RAMP3: variants seen among roughly 807,000 people sequenced by gnomAD.
RAMP3 encodes receptor activity-modifying protein 3.
RAMP3 carries 14 observed loss-of-function variants against 13.5 expected under a neutral mutation model. The ratio of observed to expected loss-of-function variants is 1.04; its 90% CI spans 0.69 to 1.63. The LOEUF is 1.63. Among genes scored for constraint, RAMP3 ranks in the 40% most tolerant of loss-of-function variants. The pLI, the probability that RAMP3 is intolerant of heterozygous loss-of-function variation, is 0.00. For synonymous variants in RAMP3, 106 were observed against 88.3 expected, an observed-to-expected ratio of 1.20 and a Z score of -1.12; for missense variants, 200 against 204.8, an observed-to-expected ratio of 0.98 and a Z score of 0.14.
At position 45,183,450 on chromosome 7, in the gene RAMP3, C is replaced by T. The variant is rs1464737757; in HGVS notation, c.*38C>T. ...GATGGAGTGGGTCACACCTGGCAAG[C>T]TGGAAGAAAGTTCCCTGGGGATGGG... On this transcript the variant is annotated 3_prime_UTR_variant, in exon 3 of 3. Coordinates refer to ENST00000242249, the MANE Select transcript of RAMP3 (RefSeq NM_005856.3). 5.6e-6 allele frequency: 9 copies of T among 1,600,648 alleles called. No homozygotes were observed. In the Admixed American group the frequency reaches 1.3e-4, roughly 24 times the overall value.
At chr7:45,180,060 G>A (rs549591889) in intron 2 of RAMP3, among the ~76,000 whole-genome samples, 1 of 152,364 alleles carries the variant, frequency 6.6e-6, no homozygotes, top group Admixed American at 6.5e-5. Context: ...CGAAAATACT[G>A]TCAGACGTGT....
chr7:45,160,115 G>A (rs922814816), intron 1 of RAMP3, among the ~76,000 whole-genome samples: 2 of 151,832 alleles, frequency 1.3e-5, no homozygotes, highest in African/African-American at 2.4e-5. Flanking sequence ...GGCAGATCTC[G>A]AGGTCAGGAG....
intron 1 of RAMP3, among the ~76,000 whole-genome samples, chr7:45,166,022 T>G (rs1259734399): frequency 1.3e-5 from 2 of 152,236 alleles, no homozygotes; most frequent in Non-Finnish European, 2.9e-5. Context: ...ATGTGCGGTA[T>G]AAATTTAGGA....
intron 2 of RAMP3, among the ~76,000 whole-genome samples, chr7:45,180,176 G>A (rs1435134587): frequency 1.3e-5 from 2 of 152,244 alleles, no homozygotes; most frequent in Non-Finnish European, 2.9e-5. Context: ...TTTGGGGAGC[G>A]GAGCCAAGGC....
At chr7:45,182,921 C>T (rs1786345717) in intron 2 of RAMP3, among the ~76,000 whole-genome samples, 1 of 152,146 alleles carries the variant, frequency 6.6e-6, no homozygotes, top group Admixed American at 6.5e-5. Context: ...AGCTCATGGC[C>T]TCAAAGGCAG....
chr7:45,158,009 G>A, intron 1 of RAMP3, 123 bp downstream of exon 1: 1 of 964,894 alleles, frequency 1.0e-6, no homozygotes, highest in South Asian at 2.9e-5. Context: ...CTCGGGAGGG[G>A]CGCACAGTGA....
At chr7:45,168,311 C>T (rs1186855286) in intron 1 of RAMP3, among the ~76,000 whole-genome samples, 1 of 142,236 alleles carries the variant, frequency 7.0e-6, no homozygotes, top group Non-Finnish European at 1.5e-5. Flanking sequence ...CTGAGTGAGG[C>T]ATGAGAATCC....
intron 1 of RAMP3, among the ~76,000 whole-genome samples, chr7:45,166,958 C>CTTTTTTT (rs202162694): frequency 1.1e-4 from 11 of 101,262 alleles, no homozygotes; most frequent in Non-Finnish European, 1.5e-4. Flanking sequence ...GTCTTTGATG[C>CTTTTTTT]TTTTTTTTTT....
intron 2 of RAMP3, among the ~76,000 whole-genome samples, chr7:45,181,063 G>C (rs140252904): frequency 6.6e-6 from 1 of 152,234 alleles, no homozygotes; most frequent in Non-Finnish European, 1.5e-5. Flanking sequence ...TCTGTGCCAG[G>C]CACTTGCTGG....
Position 45,177,302 on chromosome 7 carries a change from T to C in RAMP3, c.59-7T>C. Reference sequence around the variant, plus strand: ...TAGTGGAATTCTTATGGCTGTCCCCTCTCCAGGTGGGTGTCCCAGAGCAGG... The same window carrying C: ...TAGTGGAATTCTTATGGCTGTCCCCCCTCCAGGTGGGTGTCCCAGAGCAGG... On this transcript the variant is annotated splice_region_variant and splice_polypyrimidine_tract_variant and intron_variant, in intron 1 of 2. Coordinates refer to ENST00000242249, the MANE Select transcript of RAMP3 (RefSeq NM_005856.3). 1 of 1,613,968 alleles carries C rather than the reference T, an allele frequency of 6.2e-7. No individual in the cohort carries two copies. The highest frequency in any genetic ancestry group is 2.2e-5 in the East Asian group (1 of 44,874).
rs571186717 is a variant in RAMP3 at position 45,164,319 on chromosome 7, C to T, written c.58+6433C>T. Among the ~76,000 whole-genome samples the T allele has an allele frequency of 7.2e-5, 11 of 152,086 alleles. 1 individual carries two copies. Among genetic ancestry groups the T allele is most frequent in the South Asian group, 4.1e-4 (2 of 4,824 alleles). Reference sequence around the variant, plus strand: ...ATTCCAGCACTTTGGGAGGCCAAGGCGAGAGGATCACTGGAGCCTAGCCTG... The same window carrying T: ...ATTCCAGCACTTTGGGAGGCCAAGGTGAGAGGATCACTGGAGCCTAGCCTG... On this transcript the variant is annotated intron_variant, in intron 1 of 2. Transcript: ENST00000242249.
intron 2 of RAMP3, among the ~76,000 whole-genome samples, chr7:45,179,186 A>C (rs564608800): frequency 6.6e-6 from 1 of 152,306 alleles, no homozygotes; most frequent in South Asian, 2.1e-4. Context: ...ATCTTTTGCC[A>C]CTGGGTCCAG....
At chr7:45,170,444 T>A (rs2128656758) in intron 1 of RAMP3, among the ~76,000 whole-genome samples, 1 of 152,076 alleles carries the variant, frequency 6.6e-6, no homozygotes, top group East Asian at 1.9e-4. Flanking sequence ...TTCAAGCGAT[T>A]CTCCTGCCTC....
chr7:45,181,030 G>A (rs914273148), intron 2 of RAMP3, among the ~76,000 whole-genome samples: 1 of 152,236 alleles, frequency 6.6e-6, no homozygotes, highest in Non-Finnish European at 1.5e-5. Context: ...TAACAGCTGG[G>A]GTGGGCTCAC....
chr7:45,176,941 C>T (rs1432793831), intron 1 of RAMP3, among the ~76,000 whole-genome samples: 2 of 152,184 alleles, frequency 1.3e-5, no homozygotes, highest in Admixed American at 6.5e-5. Flanking sequence ...TGTTCCCAGG[C>T]CCCTGGGACT....
intron 1 of RAMP3, among the ~76,000 whole-genome samples, chr7:45,173,638 G>T (rs945272891): frequency 2.0e-5 from 3 of 151,392 alleles, no homozygotes; most frequent in Non-Finnish European, 2.9e-5. Flanking sequence ...AGCCCTGATG[G>T]GCTTTGGGAA....
Position 45,183,354 on chromosome 7 carries a change from C to T in RAMP3, c.389C>T (p.Thr130Ile). 1 of 1,613,912 alleles carries T rather than the reference C, an allele frequency of 6.2e-7. No homozygotes were observed. The highest frequency in any genetic ancestry group is 8.5e-7 in the Non-Finnish European group (1 of 1,180,050). The stretch of plus-strand genomic sequence containing the variant: ...CTGATCGTTATACCCGTCGTTCTGA[C>T]TGTCGCCATGGCTGGCCTGGTGGTG... ...IPLIVIPVVL[T>I]VAMAGLVVWR... The change falls in exon 3 of 3, where the codon ACT becomes ATT. Residue 130 changes from threonine (T) to isoleucine (I), a missense_variant. Coordinates refer to ENST00000242249, the MANE Select transcript of RAMP3 (RefSeq NM_005856.3).
chr7:45,180,221 G>A (rs1786277689), intron 2 of RAMP3, among the ~76,000 whole-genome samples: 1 of 152,248 alleles, frequency 6.6e-6, no homozygotes, highest in Admixed American at 6.5e-5. Flanking sequence ...CGGTGCCCCA[G>A]CGTGGCAGTA....
rs192853432 is a variant in RAMP3, at chr7:45,183,504, C to T, written c.*92C>T. 3.2e-4 allele frequency: 489 copies of T among 1,537,310 alleles called. No individual in the cohort carries two copies. In the African/African-American group the frequency reaches 5.8e-3, roughly 18 times the overall value. Reference sequence around the variant, plus strand: ...GCGGGTGGGTGCTGCCAATCTCCAGCTACTGTGGCCACACCCCACCTGGTC... The same window carrying T: ...GCGGGTGGGTGCTGCCAATCTCCAGTTACTGTGGCCACACCCCACCTGGTC... On this transcript the variant is annotated 3_prime_UTR_variant, in exon 3 of 3. Transcript: ENST00000242249.
Sources: gnomAD v4.1 joint callset for allele counts (sites outside exome capture counted in the v4.1 genomes callset) on GRCh38, gnomAD v4.1.1 for gene constraint, MANE v1.5 for transcripts, NCBI Gene and HGNC (gene_info 2026-07-23, HGNC 2026-07-21) for gene names.